BAALC: variants seen among roughly 807,000 people sequenced by gnomAD.
BAALC encodes the protein BAALC binder of MAP3K1 and KLF4.
A neutral mutation model predicts 15.5 loss-of-function variants in BAALC; 9 were observed. The ratio of observed to expected loss-of-function variants is 0.58; its 90% CI spans 0.35 to 1.02. The LOEUF (loss-of-function observed/expected upper bound fraction) is 1.02. BAALC is among the 50% of genes least tolerant of loss of function. The pLI is 0.02. For synonymous variants in BAALC, 80 were observed against 74.6 expected, an observed-to-expected ratio of 1.07 and a Z score of -0.37; for missense variants, 201 against 192.4, an observed-to-expected ratio of 1.04 and a Z score of -0.27.
chr8:103,170,285 TG>T (rs1811451413), intron 1 of BAALC, among the ~76,000 whole-genome samples: 2 of 151,848 alleles, frequency 1.3e-5, no homozygotes, highest in African/African-American at 4.8e-5. Context: ...ATGGACTTCA[TG>T]GTTCTGTTGG....
At chr8:103,196,387 C>A (rs1263492960) in intron 1 of BAALC, among the ~76,000 whole-genome samples, 1 of 152,060 alleles carries the variant, frequency 6.6e-6, no homozygotes, top group Non-Finnish European at 1.5e-5. Context: ...TTCAAGTGAT[C>A]CTCCCACCTC....
At chr8:103,146,849 C>G (rs1054701379) in intron 1 of BAALC, among the ~76,000 whole-genome samples, 7 of 152,218 alleles carry the variant, frequency 4.6e-5, no homozygotes, top group African/African-American at 1.7e-4. Context: ...GTTTAGGCAG[C>G]CTCATGTTCC....
intron 2 of BAALC, chr8:103,219,507 A>T (rs1812633236): frequency 6.6e-6 from 1 of 152,242 alleles, no homozygotes; most frequent in Non-Finnish European, 1.5e-5. Flanking sequence ...TCTGAAGTTC[A>T]AGTTGAAAAG....
intron 1 of BAALC, among the ~76,000 whole-genome samples, chr8:103,165,073 T>G (rs575756194): frequency 9.2e-5 from 14 of 152,338 alleles, no homozygotes; most frequent in African/African-American, 3.4e-4. Context: ...TCCATGGACA[T>G]CCAGCTGTGT....
chr8:103,193,032 G>A (rs1812007404), intron 1 of BAALC, among the ~76,000 whole-genome samples: 1 of 152,124 alleles, frequency 6.6e-6, no homozygotes, highest in Non-Finnish European at 1.5e-5. Flanking sequence ...AGAACTCCAC[G>A]ATCTGCAACC....
intron 2 of BAALC, among the ~76,000 whole-genome samples, chr8:103,216,748 T>C (rs1325912654): frequency 6.6e-6 from 1 of 152,230 alleles, no homozygotes; most frequent in Admixed American, 6.5e-5. Context: ...AGTGCTAGGA[T>C]TATAGGCGTG....
chr8:103,184,497 A>G (rs1811791464), intron 1 of BAALC, among the ~76,000 whole-genome samples: 2 of 152,164 alleles, frequency 1.3e-5, no homozygotes, highest in African/African-American at 4.8e-5. Context: ...CCAAAATTCA[A>G]TCCCTAATTT....
At chr8:103,146,234 A>C (rs1483778761) in intron 1 of BAALC, among the ~76,000 whole-genome samples, 3 of 152,180 alleles carry the variant, frequency 2.0e-5, no homozygotes, top group African/African-American at 7.2e-5. Flanking sequence ...AGACCCCTGC[A>C]GGAGCCCAGC....
At chr8:103,161,494 G>A (rs1293163586) in intron 1 of BAALC, among the ~76,000 whole-genome samples, 4 of 151,996 alleles carry the variant, frequency 2.6e-5, no homozygotes, top group South Asian at 4.1e-4. Context: ...GCTGCATAGC[G>A]CTCGATTGTG....
intron 1 of BAALC, among the ~76,000 whole-genome samples, chr8:103,191,625 C>T (rs996791829): frequency 5.9e-5 from 9 of 152,040 alleles, no homozygotes; most frequent in African/African-American, 2.2e-4. Flanking sequence ...AAAATGGAAT[C>T]CATGCATTTA....
chr8:103,171,581 C>T (rs1417363843), intron 1 of BAALC, among the ~76,000 whole-genome samples: 3 of 152,178 alleles, frequency 2.0e-5, no homozygotes, highest in African/African-American at 4.8e-5. Flanking sequence ...ACACAGATTC[C>T]TCTAGGGACT....
At chr8:103,190,576 T>C (rs557592678) in intron 1 of BAALC, among the ~76,000 whole-genome samples, 1 of 152,234 alleles carries the variant, frequency 6.6e-6, no homozygotes, top group Non-Finnish European at 1.5e-5. Context: ...GGAATATGAA[T>C]GGGACTTTCT....
intron 1 of BAALC, among the ~76,000 whole-genome samples, chr8:103,158,409 A>C (rs1389346995): frequency 6.6e-6 from 1 of 151,968 alleles, no homozygotes; most frequent in Non-Finnish European, 1.5e-5. Flanking sequence ...TTAGTACAAA[A>C]CCCTATATAT....
chr8:103,155,676 C>T (rs1455803086), intron 1 of BAALC, among the ~76,000 whole-genome samples: 1 of 152,210 alleles, frequency 6.6e-6, no homozygotes, highest in Non-Finnish European at 1.5e-5. Context: ...GCAGTAATCA[C>T]CTTACTCATC....
intron 2 of BAALC, among the ~76,000 whole-genome samples, chr8:103,221,004 G>A (rs1812664555): frequency 6.6e-6 from 1 of 152,100 alleles, no homozygotes; most frequent in African/African-American, 2.4e-5. Context: ...ATTTCCATTT[G>A]GGGGGAAAGT....
At chr8:103,184,164 C>T (rs1811786013) in intron 1 of BAALC, among the ~76,000 whole-genome samples, 1 of 152,172 alleles carries the variant, frequency 6.6e-6, no homozygotes, top group African/African-American at 2.4e-5. Context: ...TCTTCTGGTT[C>T]CCTCTTTTAC....
chr8:103,215,941 C>T (rs1410944706), intron 2 of BAALC, among the ~76,000 whole-genome samples: 2 of 152,184 alleles, frequency 1.3e-5, no homozygotes, highest in African/African-American at 4.8e-5. Flanking sequence ...TATCACCAGC[C>T]CAGAAATCCA....
In BAALC at chr8:103,206,499, C is replaced by T. The variant is rs368117558; in HGVS notation, c.161-6420C>T. Among the ~76,000 whole-genome samples the T allele has an allele frequency of 2.6e-3, 401 of 152,280 alleles. 24 individuals are homozygous for T. The South Asian group carries it at 0.081, about 31-fold the overall frequency. On this transcript the variant is annotated intron_variant, in intron 1 of 2. Transcript: ENST00000309982. ...AAAACCTGACCTCAATGTGCCGCCG[C>T]AGACCCTTCCCCTCTAAAGCTAATT... is the stretch of plus-strand genomic sequence containing the variant.
intron 1 of BAALC, among the ~76,000 whole-genome samples, chr8:103,161,553 G>A (rs999498617): frequency 6.6e-6 from 1 of 152,010 alleles, no homozygotes; most frequent in Non-Finnish European, 1.5e-5. Context: ...TGGCCATTAG[G>A]GCTGTTCCCA....
Sources: allele counts gnomAD v4.1 joint callset (sites outside exome capture counted in the v4.1 genomes callset), GRCh38; gene constraint gnomAD v4.1.1; transcripts MANE v1.5; gene names NCBI Gene and HGNC (gene_info 2026-07-23, HGNC 2026-07-21).